The following KCNK17 variants were observed in gnomAD, a reference collection of about 807,000 sequenced individuals.
The protein encoded by KCNK17 is potassium two pore domain channel subfamily K member 17, also known as potassium channel subfamily K member 17.
KCNK17 carries 27 observed loss-of-function variants against 24.6 expected under a neutral mutation model. That is an observed-to-expected ratio of 1.10 (90% CI 0.81 to 1.51). KCNK17 has a LOEUF of 1.51. Ranked by LOEUF, KCNK17 falls within the 40% of genes most tolerant of loss-of-function variation. The pLI is 0.00. For missense variants in KCNK17, 450 were observed against 436.6 expected (o/e 1.03, Z -0.27); for synonymous variants, 181 against 189.8 (o/e 0.95, Z 0.38).
At chr6:39,313,621 C>T (rs1022979423) in intron 1 of KCNK17, among the ~76,000 whole-genome samples, 2 of 152,228 alleles carry the variant, frequency 1.3e-5, no homozygotes, top group Admixed American at 1.3e-4. Flanking sequence ...CCCGGGTTCC[C>T]CCTCTGGAAG....
At chr6:39,311,042 TGG>T in intron 1 of KCNK17, 35 bp from the exon 2 acceptor site, 1 of 1,344,976 alleles carries the variant, frequency 7.4e-7, no homozygotes, top group South Asian at 1.2e-5. Flanking sequence ...CCAGGCTCTG[TGG>T]GGTGATGGAT....
chr6:39,313,332 C>A (rs567543369), intron 1 of KCNK17, among the ~76,000 whole-genome samples: 34 of 152,346 alleles, frequency 2.2e-4, no homozygotes, highest in East Asian at 1.2e-3. Flanking sequence ...GGCAGCCGCG[C>A]GGCGGCGGCG....
chr6:39,304,250 G>T, intron 3 of KCNK17, 119 bp from the exon 4 acceptor site: 1 of 1,012,570 alleles, frequency 9.9e-7, no homozygotes, highest in Non-Finnish European at 1.4e-6. Flanking sequence ...CACCTGGTCT[G>T]TGTTCTCCAG....
In KCNK17 at chr6:39,303,957, C is replaced by A. The variant is rs758528020; in HGVS notation, c.688G>T (p.Gly230Ter). 1 of 1,611,554 alleles carries A rather than the reference C, an allele frequency of 6.2e-7. No homozygotes were observed. ...CAGCCCAACCGCCAGGAACTCTCAC[C>A]AATCACGTAGTCGCCGAAGCCCACG... is the stretch of plus-strand genomic sequence containing the variant. ...STVGFGDYVI[G>*]MNPSQRYPLW... Residue 230 changes from glycine (G) to a stop codon, truncating the protein, a stop_gained and splice_region_variant, in exon 4 of 5, where the codon GGA (glycine) becomes TGA (stop). Coordinates refer to ENST00000373231, the MANE Select transcript of KCNK17 (RefSeq NM_031460.4). LOFTEE classifies it low-confidence loss of function (END_TRUNC).
chr6:39,302,997 A>G (rs1761970513), intron 4 of KCNK17, among the ~76,000 whole-genome samples: 1 of 152,196 alleles, frequency 6.6e-6, no homozygotes, highest in African/African-American at 2.4e-5. Flanking sequence ...AACAGTATGA[A>G]TTTTGGAGTC....
In KCNK17 at chr6:39,299,576, C is replaced by A. The variant is rs1469946706; in HGVS notation, c.850G>T (p.Asp284Tyr). 4.3e-6 allele frequency: 7 copies of A among 1,614,164 alleles called. No homozygotes were observed. Among genetic ancestry groups the A allele is most frequent in the Non-Finnish European group, 5.9e-6 (7 of 1,180,030 alleles). Residue 284 changes from aspartate (D) to tyrosine (Y), a missense_variant, in exon 5 of 5, where the codon GAC becomes TAC. By Grantham distance (160) the Asp-to-Tyr change is radical. Coordinates refer to ENST00000373231, the MANE Select transcript of KCNK17 (RefSeq NM_031460.4). The part of the protein sequence containing the change: ...CSCCHHSSKE[D>Y]FKSQSWRQGP... ...TGTCTCCAGCTTTGGGACTTGAAGTCTTCCTTAGAGCTGTGGTGGCAGCAG... is the reference window on the plus strand; with the variant it reads ...TGTCTCCAGCTTTGGGACTTGAAGTATTCCTTAGAGCTGTGGTGGCAGCAG...
Position 39,299,552 on chromosome 6 carries a change from G to A in KCNK17, c.874C>T (p.Gln292Ter). ...GACTCTGGCTCCCGGTCAGGTCCCT[G>A]TCTCCAGCTTTGGGACTTGAAGTCT... ...KEDFKSQSWRQGPDREPESHS... is the reference protein window; with the variant it reads ...KEDFKSQSWR The change falls in exon 5 of 5, where the codon CAG (glutamine) becomes TAG (stop). Residue 292 changes from glutamine (Q) to a stop codon, truncating the protein, a stop_gained. Coordinates refer to ENST00000373231, the MANE Select transcript of KCNK17 (RefSeq NM_031460.4). LOFTEE classifies it low-confidence loss of function (END_TRUNC). The A allele has an allele frequency of 6.2e-7, 1 of 1,614,216 alleles. No homozygotes were observed. Among genetic ancestry groups the A allele is most frequent in the African/African-American group, 1.3e-5 (1 of 75,064 alleles).
In KCNK17 at chr6:39,310,875, GC is replaced by G; in HGVS notation, c.352+17del. The G allele has an allele frequency of 6.7e-7, 1 of 1,486,476 alleles. No individual in the cohort carries two copies. Among genetic ancestry groups the G allele is most frequent in the Non-Finnish European group, 9.3e-7 (1 of 1,077,236 alleles). 92.1% of individuals were successfully genotyped at this position (1,486,476 alleles called of 1,614,324 possible). A position where few individuals can be genotyped will look rare whatever the true frequency, so the allele number is the denominator to read the frequency against. On this transcript the variant is annotated intron_variant, in intron 2 of 4. Coordinates refer to ENST00000373231, the MANE Select transcript of KCNK17 (RefSeq NM_031460.4). ...TCCTTCCCCCACCCCCATCCCCCTG[GC>G]CCCATCTGGCCCTTACCAATGGTGG...
intron 2 of KCNK17, among the ~76,000 whole-genome samples, chr6:39,305,333 C>A (rs1196390630): frequency 1.3e-5 from 2 of 152,208 alleles, no homozygotes; most frequent in Non-Finnish European, 2.9e-5. Flanking sequence ...TCTCTTTTAT[C>A]CTTCAAAGGC....
chr6:39,306,890 G>C (rs555620690), intron 2 of KCNK17, among the ~76,000 whole-genome samples: 1 of 150,960 alleles, frequency 6.6e-6, no homozygotes, highest in Non-Finnish European at 1.5e-5. Flanking sequence ...TCAGCCTCCC[G>C]AGTAGCTGGG....
At chr6:39,312,641 G>A (rs990129607) in intron 1 of KCNK17, among the ~76,000 whole-genome samples, 1 of 152,216 alleles carries the variant, frequency 6.6e-6, no homozygotes, top group African/African-American at 2.4e-5. Context: ...AGGGAGGTGA[G>A]ACAAATGAAT....
chr6:39,304,445 C>T (rs780441810), intron 3 of KCNK17, 50 bp downstream of exon 3: 4 of 1,501,170 alleles, frequency 2.7e-6, no homozygotes, highest in Admixed American at 3.4e-5. Context: ...CCACCACAGC[C>T]CCTCATTCTA....
At chr6:39,304,386 C>T in intron 3 of KCNK17, 109 bp downstream of exon 3, 1 of 1,044,558 alleles carries the variant, frequency 9.6e-7, no homozygotes. Context: ...CCAACACAAC[C>T]TCACCAGTAA....
At position 39,299,602 on chromosome 6, in the gene KCNK17, GA is replaced by G. The variant is rs762670553; in HGVS notation, c.823del (p.Ser275ProfsTer70). 6.2e-7 allele frequency: 1 copy of G among 1,614,120 alleles called. No individual in the cohort carries two copies. Among genetic ancestry groups the G allele is most frequent in the Admixed American group, 1.7e-5 (1 of 60,024 alleles). ...TTCCTTAGAGCTGTGGTGGCAGCAG[GA>G]ACATACCCTCCCTGGCGTCTCCAGC... ...SQLETPGRVC[S>X]CCHHSSKEDF... On this transcript the variant is annotated frameshift_variant, in exon 5 of 5. Transcript: ENST00000373231. LOFTEE classifies it low-confidence loss of function (END_TRUNC).
Position 39,314,240 on chromosome 6 carries a change from G to A in KCNK17, c.81C>T (p.Leu27=), listed in dbSNP as rs752761152. The part of the protein sequence containing the change: ...CAVPSTVLLL[L]AYLAYLALGT... Reference sequence around the variant, plus strand: ...CCAGCGCCAGGTAAGCCAGGTAGGCGAGCAGCAGGAGCACGGTGCTGGGCA... The same window carrying A: ...CCAGCGCCAGGTAAGCCAGGTAGGCAAGCAGCAGGAGCACGGTGCTGGGCA... Residue 27 remains leucine (L), a synonymous_variant, in exon 1 of 5, where the codon CTC becomes CTT. Coordinates refer to ENST00000373231, the MANE Select transcript of KCNK17 (RefSeq NM_031460.4). 175 of 1,536,526 alleles carry A rather than the reference G, an allele frequency of 1.1e-4. No individual in the cohort carries two copies. The highest frequency in any genetic ancestry group is 1.1e-4 in the Non-Finnish European group (122 of 1,145,932).
chr6:39,314,134 A>G lies in KCNK17; in HGVS notation c.187T>C (p.Leu63=), dbSNP rs1315539937. The G allele has an allele frequency of 1.3e-6, 2 of 1,595,768 alleles. No individual in the cohort carries two copies. Among genetic ancestry groups the G allele is most frequent in the East Asian group, 2.3e-5 (1 of 44,412 alleles). The change falls in exon 1 of 5, where the codon TTG becomes CTG. Residue 63 remains leucine, a synonymous_variant. Coordinates refer to ENST00000373231, the MANE Select transcript of KCNK17 (RefSeq NM_031460.4). ...RSFQRDKWEL[L]QNFTCLDRPA... ...CGGTCCAGACACGTGAAGTTCTGCA[A>G]CAGCTCCCACTTGTCGCGCTGGAAG...
Position 39,314,166 on chromosome 6 carries a change from C to G in KCNK17, c.155G>C (p.Ser52Thr). The G allele has an allele frequency of 6.4e-7, 1 of 1,568,638 alleles. No individual in the cohort carries two copies. The highest frequency in any genetic ancestry group is 8.6e-7 in the Non-Finnish European group (1 of 1,160,890). ...CCACTTGTCGCGCTGGAAGCTGCGG[C>G]TGGAGTCCTGCGCCGCGCGGCCCTC... Reference protein sequence around the residue: ...TLEGRAAQDSSRSFQRDKWEL... With the variant: ...TLEGRAAQDSTRSFQRDKWEL... Residue 52 changes from serine to threonine, a missense_variant, in exon 1 of 5, where the codon AGC becomes ACC. By Grantham distance (58) the Ser-to-Thr change is moderately conservative. Coordinates refer to ENST00000373231, the MANE Select transcript of KCNK17 (RefSeq NM_031460.4).
At chr6:39,307,140 C>T (rs1184335568) in intron 2 of KCNK17, among the ~76,000 whole-genome samples, 1 of 152,126 alleles carries the variant, frequency 6.6e-6, no homozygotes, top group Non-Finnish European at 1.5e-5. Context: ...AATGCTGCTT[C>T]CTCCTGTAAA....
Position 39,314,371 on chromosome 6 carries a change from G to T in KCNK17, c.-51C>A. 7.9e-7 allele frequency: 1 copy of T among 1,263,678 alleles called. No individual in the cohort carries two copies. The highest frequency in any genetic ancestry group is 1.0e-6 in the Non-Finnish European group (1 of 964,488). 78.3% of individuals were successfully genotyped at this position (1,263,678 alleles called of 1,614,324 possible). On this transcript the variant is annotated 5_prime_UTR_variant, in exon 1 of 5. Transcript: ENST00000373231. ...CGGGAGCGGTGGACTAGGACCCGGTGGGAGGGAAGGGCCAGGCGTCCAGCT... is the reference window on the plus strand; with the variant it reads ...CGGGAGCGGTGGACTAGGACCCGGTTGGAGGGAAGGGCCAGGCGTCCAGCT...
Sources: gnomAD v4.1 joint callset for allele counts (sites outside exome capture counted in the v4.1 genomes callset) on GRCh38, gnomAD v4.1.1 for gene constraint, MANE v1.5 for transcripts, NCBI Gene and HGNC (gene_info 2026-07-23, HGNC 2026-07-21) for gene names.